GPBP1: variants seen among roughly 807,000 people sequenced by gnomAD.
The protein encoded by GPBP1 is vasculin.
In GPBP1, 13 loss-of-function variants were observed where a neutral mutation model predicts 56.5. The observed-to-expected ratio is 0.23, with a 90% CI of 0.15 to 0.37. GPBP1 has a LOEUF of 0.37. Among genes scored for constraint, GPBP1 ranks in the 10% least tolerant of loss-of-function variants. The pLI is 1.00. For synonymous variants in GPBP1, 204 were observed against 188.9 expected, an observed-to-expected ratio of 1.08 and a Z score of -0.66; for missense variants, 477 against 572.3, an observed-to-expected ratio of 0.83 and a Z score of 1.70.
chr5:57,175,643 A>G lies in GPBP1; in HGVS notation c.-815A>G, dbSNP rs756752309. The G allele has an allele frequency of 2.5e-6, 1 of 396,742 alleles. No individual in the cohort carries two copies. Among genetic ancestry groups the G allele is most frequent in the Non-Finnish European group, 4.4e-6 (1 of 225,380 alleles). 24.6% of individuals were successfully genotyped at this position (396,742 alleles called of 1,614,324 possible). A position where few individuals can be genotyped will look rare whatever the true frequency, so the allele number is the denominator to read the frequency against. ...CAGCAAGCTACTTAAAAAGAGACCC[A>G]GGCAGCATTTCTTCAGTATTTTGGT... On this transcript the variant is annotated 5_prime_UTR_variant, in exon 2 of 12. Transcript: ENST00000506184.
chr5:57,261,986 A>G (rs926885386), intron 11 of GPBP1, among the ~76,000 whole-genome samples: 19 of 152,170 alleles, frequency 1.2e-4, no homozygotes, highest in African/African-American at 7.2e-5. Context: ...GGCTCAAGCA[A>G]TACTCTTGCC....
chr5:57,236,517 G>T (rs1447049125), intron 6 of GPBP1, among the ~76,000 whole-genome samples: 4 of 152,026 alleles, frequency 2.6e-5, no homozygotes, highest in Admixed American at 1.3e-4. Flanking sequence ...ATTTGCTTGT[G>T]GAGCTAGTCT....
chr5:57,178,028 C>T (rs901781967), intron 2 of GPBP1, among the ~76,000 whole-genome samples: 13 of 152,020 alleles, frequency 8.6e-5, no homozygotes. Flanking sequence ...TTTTCTCTGT[C>T]AGACCTGTGT....
intron 2 of GPBP1, among the ~76,000 whole-genome samples, chr5:57,191,599 A>G (rs896608110): frequency 6.1e-5 from 9 of 147,878 alleles, no homozygotes; most frequent in East Asian, 2.1e-4. Flanking sequence ...GTGTCACTCT[A>G]TCACCAGGCT....
Position 57,261,171 on chromosome 5 carries a change from C to T in GPBP1, c.1161-9C>T, listed in dbSNP as rs756833247. On this transcript the variant is annotated splice_polypyrimidine_tract_variant and intron_variant, in intron 10 of 11. Coordinates refer to ENST00000506184, the MANE Select transcript of GPBP1 (RefSeq NM_022913.4). ...CTTTACATTAAACTTAATTTCCTCTCCTTTTCAGATTGTTAAAGGAAATGG... is the reference window on the plus strand; with the variant it reads ...CTTTACATTAAACTTAATTTCCTCTTCTTTTCAGATTGTTAAAGGAAATGG... The T allele has an allele frequency of 2.5e-5, 39 of 1,571,718 alleles. No homozygotes were observed. In the African/African-American group the frequency reaches 4.1e-4, roughly 16 times the overall value.
intron 3 of GPBP1, among the ~76,000 whole-genome samples, chr5:57,225,503 A>AC (rs1756144481): frequency 2.2e-5 from 3 of 137,410 alleles, no homozygotes; most frequent in South Asian, 4.9e-4. Flanking sequence ...AAAAAAAAAA[A>AC]AAAAAAAACA....
chr5:57,197,360 C>T (rs76206922), intron 2 of GPBP1, among the ~76,000 whole-genome samples: 4 of 119,848 alleles, frequency 3.3e-5, no homozygotes, highest in African/African-American at 3.3e-5. Flanking sequence ...TATCATTTTG[C>T]TTTTTTTTTT....
At chr5:57,208,200 T>C (rs1025087960) in intron 2 of GPBP1, among the ~76,000 whole-genome samples, 2 of 152,150 alleles carry the variant, frequency 1.3e-5, no homozygotes, top group Admixed American at 6.6e-5. Flanking sequence ...ATTGGAGCCC[T>C]AGCCAGGGAC....
At chr5:57,192,455 C>G (rs374511910) in intron 2 of GPBP1, among the ~76,000 whole-genome samples, 21 of 152,186 alleles carry the variant, frequency 1.4e-4, no homozygotes, top group African/African-American at 4.8e-4. Flanking sequence ...CTGAGTAAAA[C>G]TTAAAATTTA....
At chr5:57,218,273 C>T (rs565496424) in intron 3 of GPBP1, among the ~76,000 whole-genome samples, 1 of 152,296 alleles carries the variant, frequency 6.6e-6, no homozygotes, top group East Asian at 1.9e-4. Context: ...AGACTGCTTT[C>T]ACTTCAGATG....
At chr5:57,249,180 A>G (rs1228568528) in intron 8 of GPBP1, 6 of 388,746 alleles carry the variant, frequency 1.5e-5, no homozygotes, top group Middle Eastern at 7.1e-4. Flanking sequence ...ATTTAGAATC[A>G]TAGTTCTGAG....
chr5:57,219,411 C>A (rs2408689), intron 3 of GPBP1, among the ~76,000 whole-genome samples: 48,266 of 74,534 alleles, frequency 0.65, 15,568 homozygotes, highest in East Asian at 0.82. Flanking sequence ...AAACCAAAAA[C>A]AAACAAACAA....
In GPBP1 at chr5:57,237,853, A is replaced by G. The variant is rs564870550; in HGVS notation, c.478+1821A>G. ...CGAAAATATAATATTTATTAAAAAA[A>G]AAAAGCAATTTGTCCCTGAAACTAT... On this transcript the variant is annotated intron_variant, in intron 6 of 11. Coordinates refer to ENST00000506184, the MANE Select transcript of GPBP1 (RefSeq NM_022913.4). Among the ~76,000 whole-genome samples the G allele has an allele frequency of 3.3e-5, 5 of 152,290 alleles. No homozygotes were observed. The South Asian group carries it at 1.0e-3, about 32-fold the overall frequency.
At chr5:57,209,805 T>C (rs1358902356) in intron 2 of GPBP1, among the ~76,000 whole-genome samples, 1 of 152,176 alleles carries the variant, frequency 6.6e-6, no homozygotes, top group African/African-American at 2.4e-5. Flanking sequence ...GATTTTTGTA[T>C]GTTGAGTCAC....
intron 2 of GPBP1, among the ~76,000 whole-genome samples, chr5:57,198,212 C>A (rs1754850016): frequency 6.6e-6 from 1 of 152,130 alleles, no homozygotes; most frequent in South Asian, 2.1e-4. Context: ...GATCAGCTTC[C>A]CACTGTATTC....
intron 2 of GPBP1, among the ~76,000 whole-genome samples, chr5:57,182,466 G>A (rs1178597937): frequency 1.3e-5 from 2 of 150,966 alleles, no homozygotes; most frequent in Non-Finnish European, 2.9e-5. Flanking sequence ...TCCAACTCCC[G>A]GGTTCAAGTG....
At chr5:57,214,926 T>C (rs184584973) in intron 3 of GPBP1, among the ~76,000 whole-genome samples, 4 of 152,380 alleles carry the variant, frequency 2.6e-5, no homozygotes, top group African/African-American at 9.6e-5. Context: ...TCTCCCAAAG[T>C]GCTGGGATTA....
intron 2 of GPBP1, among the ~76,000 whole-genome samples, chr5:57,184,624 T>C (rs1469813905): frequency 6.6e-6 from 1 of 152,178 alleles, no homozygotes; most frequent in Non-Finnish European, 1.5e-5. Context: ...GGTGCCGCCT[T>C]CAACATTGGG....
intron 6 of GPBP1, among the ~76,000 whole-genome samples, chr5:57,242,452 C>G (rs1031420051): frequency 6.6e-6 from 1 of 152,112 alleles, no homozygotes; most frequent in African/African-American, 2.4e-5. Context: ...TCTGATAAAT[C>G]TGGTACAAAA....
Sources: allele counts gnomAD v4.1 joint callset (sites outside exome capture counted in the v4.1 genomes callset), GRCh38; gene constraint gnomAD v4.1.1; transcripts MANE v1.5; gene names NCBI Gene and HGNC (gene_info 2026-07-23, HGNC 2026-07-21).